The following SNX31 variants were observed in gnomAD, a reference collection of about 807,000 sequenced individuals.
SNX31 encodes the protein sorting nexin-31.
In SNX31, 58 loss-of-function variants were observed where a neutral mutation model predicts 65.4. The ratio of observed to expected loss-of-function variants is 0.89; its 90% CI spans 0.72 to 1.10. The LOEUF (loss-of-function observed/expected upper bound fraction) is 1.10. Ranked by LOEUF, SNX31 falls within the 50% of genes least tolerant of loss-of-function variation. SNX31 has a pLI of 0.00. For synonymous variants in SNX31, 181 were observed against 190.1 expected (o/e 0.95, Z 0.39); for missense variants, 523 against 529.7 (o/e 0.99, Z 0.12).
chr8:100,645,905 C>T (rs1819600930), intron 2 of SNX31, among the ~76,000 whole-genome samples: 3 of 152,080 alleles, frequency 2.0e-5, no homozygotes, highest in Admixed American at 2.0e-4. Context: ...ATCACCATGC[C>T]CGGCCTCAGA....
intron 8 of SNX31, 60 bp from the exon 9 acceptor site, chr8:100,600,501 A>G: frequency 7.2e-7 from 1 of 1,397,436 alleles, no homozygotes; most frequent in Non-Finnish European, 1.0e-6. Context: ...AATCTGACAA[A>G]AACATACTCT....
At chr8:100,618,962 T>C (rs1463759722) in intron 4 of SNX31, 1 of 152,206 alleles carries the variant, frequency 6.6e-6, no homozygotes, top group Non-Finnish European at 1.5e-5. Flanking sequence ...GATTAAATCA[T>C]TGGCCACTGG....
At chr8:100,615,179 A>C (rs1817062358) in intron 5 of SNX31, among the ~76,000 whole-genome samples, 1 of 152,164 alleles carries the variant, frequency 6.6e-6, no homozygotes, top group Non-Finnish European at 1.5e-5. Context: ...CTTGGGTCTG[A>C]ATTTCTCACA....
rs947685831 is a variant in SNX31, at chr8:100,637,738, C to G, written c.142-1727G>C. The stretch of plus-strand genomic sequence containing the variant: ...TGAGACAGAGTCTCGCTCTGTCGCC[C>G]AGGCTGGAGTGCAGTGGCATGATCT... On this transcript the variant is annotated intron_variant, in intron 2 of 13. Transcript: ENST00000311812. Among the ~76,000 whole-genome samples the G allele has an allele frequency of 2.6e-5, 4 of 152,120 alleles. No individual in the cohort carries two copies. The South Asian group carries it at 8.3e-4, about 32-fold the overall frequency.
Position 100,649,576 on chromosome 8 carries a change from G to A in SNX31, c.-62C>T, listed in dbSNP as rs1328461650. 4.8e-6 allele frequency: 7 copies of A among 1,472,008 alleles called. No homozygotes were observed. Among genetic ancestry groups the A allele is most frequent in the African/African-American group, 1.4e-5 (1 of 71,470 alleles). 91.2% of individuals were successfully genotyped at this position (1,472,008 alleles called of 1,614,324 possible). A position where few individuals can be genotyped will look rare whatever the true frequency, so the allele number is the denominator to read the frequency against. On this transcript the variant is annotated 5_prime_UTR_variant, in exon 1 of 14. Transcript: ENST00000311812. ...GACCTGCGGCGGCGGGCGGTGCGCG[G>A]CTCTGAACTCGGCAGCGGTGGACGC...
At position 100,604,537 on chromosome 8, in the gene SNX31, C is replaced by A. The variant is rs1046366851; in HGVS notation, c.681+3957G>T. On this transcript the variant is annotated intron_variant, in intron 8 of 13. Coordinates refer to ENST00000311812, the MANE Select transcript of SNX31 (RefSeq NM_152628.4). This position sits in a 1 kb window ranked among gnomAD's most constrained non-coding sequence, Gnocchi z 4.3. ...GTCAGCCCCCCTCCACTCACCAAGC[C>A]ATGGGCCCCGATGCAGGACTAGCCC... is the stretch of plus-strand genomic sequence containing the variant. Among the ~76,000 whole-genome samples, 7 of 152,248 alleles carry A rather than the reference C, an allele frequency of 4.6e-5. No individual in the cohort carries two copies. Among genetic ancestry groups the A allele is most frequent in the Non-Finnish European group, 1.0e-4 (7 of 68,046 alleles).
chr8:100,612,223 C>G lies in SNX31; in HGVS notation c.524-136G>C, dbSNP rs75138633. ...AGTAAGAATATCCTCTGTATTTACA[C>G]GTAATTTTAACTTTCTGAAGTTCAT... On this transcript the variant is annotated intron_variant, in intron 6 of 13. Coordinates refer to ENST00000311812, the MANE Select transcript of SNX31 (RefSeq NM_152628.4). The surrounding 1 kb of genome is among the most constrained non-coding windows in gnomAD (Gnocchi z 4.3). The G allele has an allele frequency of 6.1e-3, 3,557 of 587,608 alleles. 100 individuals are homozygous for G. The highest frequency in any genetic ancestry group is 0.056 in the African/African-American group (2,984 of 53,080). 36.4% of individuals were successfully genotyped at this position (587,608 alleles called of 1,614,324 possible).
intron 2 of SNX31, among the ~76,000 whole-genome samples, chr8:100,638,073 G>C (rs924982704): frequency 6.6e-6 from 1 of 152,192 alleles, no homozygotes; most frequent in Non-Finnish European, 1.5e-5. Context: ...GGGAGGCTGA[G>C]GCAGGAGGGT....
At chr8:100,600,237 G>C (rs564573228) in intron 9 of SNX31, 112 bp downstream of exon 9, 1 of 797,620 alleles carries the variant, frequency 1.3e-6, no homozygotes, top group East Asian at 2.6e-5. Context: ...TTTTTAAAAA[G>C]AGCCCCACTT....
intron 2 of SNX31, among the ~76,000 whole-genome samples, chr8:100,643,323 T>C (rs1466405839): frequency 1.3e-5 from 2 of 151,904 alleles, no homozygotes; most frequent in Non-Finnish European, 2.9e-5. Flanking sequence ...GTCACCTACT[T>C]CCCCCACCTT....
intron 2 of SNX31, among the ~76,000 whole-genome samples, chr8:100,641,565 AATATATATATAT>A (rs1237945389): frequency 0.027 from 878 of 32,048 alleles, 60 homozygotes; most frequent in African/African-American, 0.063. Context: ...AAAAAAAAAA[AATATATATATAT>A]ATATATATAT....
rs765163460 is a variant in SNX31, at chr8:100,595,311, G to GT, written c.978+1327dup. Among the ~76,000 whole-genome samples, 325 of 138,778 alleles carry GT rather than the reference G, an allele frequency of 2.3e-3. 4 individuals are homozygous for GT. The highest frequency in any genetic ancestry group is 6.2e-3 in the African/African-American group (204 of 32,764). The allele number at this position is 138,778 out of a possible 152,430, so 91.0% of individuals were successfully genotyped here. A position where few individuals can be genotyped will look rare whatever the true frequency, so the allele number is the denominator to read the frequency against. ...GTGAGTGCGGAGATAGAGGGAATTT[G>GT]TTGTTTTTTTTTTTTTTTCAGATGG... is the stretch of plus-strand genomic sequence containing the variant. On this transcript the variant is annotated intron_variant, in intron 10 of 13. Transcript: ENST00000311812.
At chr8:100,621,579 A>T (rs1188551705) in intron 4 of SNX31, among the ~76,000 whole-genome samples, 1 of 152,200 alleles carries the variant, frequency 6.6e-6, no homozygotes, top group Non-Finnish European at 1.5e-5. Flanking sequence ...CCCAGCTAAC[A>T]TCCCCTCTGC....
chr8:100,639,659 T>A (rs767293215), intron 2 of SNX31, among the ~76,000 whole-genome samples: 1 of 152,248 alleles, frequency 6.6e-6, no homozygotes, highest in Non-Finnish European at 1.5e-5. Flanking sequence ...TTCATGTGTC[T>A]GTATACATGG....
At position 100,604,953 on chromosome 8, in the gene SNX31, C is replaced by T. The variant is rs951219221; in HGVS notation, c.681+3541G>A. 2.6e-5 allele frequency among the ~76,000 whole-genome samples: 4 copies of T among 151,668 alleles called. No individual in the cohort carries two copies. The highest frequency in any genetic ancestry group is 4.8e-5 in the African/African-American group (2 of 41,238). ...TCGTGCTGTCACCCAAGCAGGAGTACAGTGACATATTCTTGGCTCCCTGCA... is the reference window on the plus strand; with the variant it reads ...TCGTGCTGTCACCCAAGCAGGAGTATAGTGACATATTCTTGGCTCCCTGCA... On this transcript the variant is annotated intron_variant, in intron 8 of 13. Coordinates refer to ENST00000311812, the MANE Select transcript of SNX31 (RefSeq NM_152628.4). This position sits in a 1 kb window ranked among gnomAD's most constrained non-coding sequence, Gnocchi z 4.3.
intron 5 of SNX31, among the ~76,000 whole-genome samples, chr8:100,616,959 AG>A (rs1817263440): frequency 6.6e-6 from 1 of 152,152 alleles, no homozygotes; most frequent in African/African-American, 2.4e-5. Flanking sequence ...CCAGAGGAAA[AG>A]GGCCTGGGAG....
chr8:100,600,920 A>C (rs1815563664), intron 8 of SNX31, among the ~76,000 whole-genome samples: 2 of 152,234 alleles, frequency 1.3e-5, no homozygotes, highest in Admixed American at 1.3e-4. Context: ...AAATGATTGC[A>C]TCATATATAT....
In SNX31 at chr8:100,646,185, C is replaced by T. The variant is rs539388163; in HGVS notation, c.141+3089G>A. Among the ~76,000 whole-genome samples, 5 of 152,124 alleles carry T rather than the reference C, an allele frequency of 3.3e-5. No homozygotes were observed. In the South Asian group the frequency reaches 6.2e-4, roughly 19 times the overall value. On this transcript the variant is annotated intron_variant, in intron 2 of 13. Transcript: ENST00000311812. ...AGGCATACAAATTTACTAACATGCG[C>T]GGGAGTCTTACAAAATAAAAGATCT... is the stretch of plus-strand genomic sequence containing the variant.
At position 100,588,798 on chromosome 8, in the gene SNX31, C is replaced by T; in HGVS notation, c.1092+68G>A. Reference sequence around the variant, plus strand: ...CTAGTTGGGTTAGGGTCATGTGCTTCATCCACCCCAGCAAGCAAGACAGCA... The same window carrying T: ...CTAGTTGGGTTAGGGTCATGTGCTTTATCCACCCCAGCAAGCAAGACAGCA... On this transcript the variant is annotated intron_variant, in intron 11 of 13. Coordinates refer to ENST00000311812, the MANE Select transcript of SNX31 (RefSeq NM_152628.4). This position sits in a 1 kb window ranked among gnomAD's most constrained non-coding sequence, Gnocchi z 4.8. 1 of 1,198,510 alleles carries T rather than the reference C, an allele frequency of 8.3e-7. No homozygotes were observed. Among genetic ancestry groups the T allele is most frequent in the Non-Finnish European group, 1.2e-6 (1 of 811,046 alleles). The allele number at this position is 1,198,510 out of a possible 1,614,324, so 74.2% of individuals were successfully genotyped here.
Sources: gnomAD v4.1 joint callset for allele counts (sites outside exome capture counted in the v4.1 genomes callset) on GRCh38, gnomAD v4.1.1 for gene constraint, Gnocchi (gnomAD v3.1) non-coding constraint, MANE v1.5 for transcripts, NCBI Gene and HGNC (gene_info 2026-07-23, HGNC 2026-07-21) for gene names.